The following BID variants were observed in gnomAD, a reference collection of about 807,000 sequenced individuals.
BID encodes the protein BH3 interacting domain death agonist, also known as BH3-interacting domain death agonist.
BID carries 19 observed loss-of-function variants against 17.4 expected under a neutral mutation model. The observed-to-expected ratio is 1.09, with a 90% CI of 0.76 to 1.60. BID has a LOEUF of 1.60. BID is among the 40% of genes most tolerant of loss of function. BID has a pLI of 0.00. For synonymous variants in BID, 108 were observed against 102.8 expected (o/e 1.05, Z -0.31); for missense variants, 226 against 256.0 (o/e 0.88, Z 0.80).
intron 3 of BID, among the ~76,000 whole-genome samples, chr22:17,741,595 C>A (rs1264281287): frequency 6.6e-6 from 1 of 151,992 alleles, no homozygotes; most frequent in Non-Finnish European, 1.5e-5. Context: ...ACCTCAGCCT[C>A]CCAAGTAGCT....
intron 1 of BID, among the ~76,000 whole-genome samples, chr22:17,762,310 A>G (rs919560840): frequency 1.3e-5 from 2 of 152,150 alleles, no homozygotes; most frequent in Non-Finnish European, 2.9e-5. Flanking sequence ...CAGCCTGACC[A>G]ATATGGTGAA....
chr22:17,738,491 G>A, intron 4 of BID, among the ~76,000 whole-genome samples: 1 of 152,192 alleles, frequency 6.6e-6, no homozygotes, highest in Non-Finnish European at 1.5e-5. Flanking sequence ...CAAGAAGCCT[G>A]GGTCATCCCT....
At chr22:17,752,401 T>C (rs1411642269) in intron 1 of BID, among the ~76,000 whole-genome samples, 4 of 152,320 alleles carry the variant, frequency 2.6e-5, no homozygotes, top group South Asian at 2.1e-4. Flanking sequence ...CGAAGTCCCA[T>C]ACCAGTGTGT....
chr22:17,772,101 G>A (rs1044016725), intron 1 of BID, among the ~76,000 whole-genome samples: 1 of 152,082 alleles, frequency 6.6e-6, no homozygotes, highest in African/African-American at 2.4e-5. Context: ...GGAGAATGGG[G>A]ATGCTACCCT....
At chr22:17,774,090 G>T (rs1376607869) in intron 1 of BID, 2 of 300,256 alleles carry the variant, frequency 6.7e-6, no homozygotes, top group East Asian at 2.1e-4. Flanking sequence ...AGGCCACGTG[G>T]AGAGGACACA....
At chr22:17,745,075 G>A (rs1003565649) in intron 2 of BID, among the ~76,000 whole-genome samples, 1 of 152,114 alleles carries the variant, frequency 6.6e-6, no homozygotes, top group South Asian at 2.1e-4. Flanking sequence ...TTTTGAGATG[G>A]AGTCTCGCTC....
upstream of BID, chr22:17,774,508 C>T (rs1164562536): frequency 1.4e-5 from 3 of 207,128 alleles, no homozygotes; most frequent in Admixed American, 4.9e-5. Context: ...CCCCCCACGC[C>T]CGGGCCCGCC....
At chr22:17,739,614 A>T in intron 3 of BID, 126 bp from the exon 4 acceptor site, 1 of 1,256,962 alleles carries the variant, frequency 8.0e-7, no homozygotes, top group East Asian at 2.5e-5. Flanking sequence ...CCCACTGGGC[A>T]CGTGCTCCAC....
At chr22:17,763,501 C>A (rs1253539100) in intron 1 of BID, among the ~76,000 whole-genome samples, 1 of 152,172 alleles carries the variant, frequency 6.6e-6, no homozygotes, top group Non-Finnish European at 1.5e-5. Flanking sequence ...GCCTTGGTCT[C>A]CCAAAGTGCT....
At chr22:17,736,021 T>C (rs1011634558) in intron 5 of BID, among the ~76,000 whole-genome samples, 2 of 152,242 alleles carry the variant, frequency 1.3e-5, no homozygotes, top group African/African-American at 4.8e-5. Flanking sequence ...TTAAGATTTA[T>C]ATTCATTCTC....
At chr22:17,771,466 C>T (rs564040400) in intron 1 of BID, among the ~76,000 whole-genome samples, 27 of 149,816 alleles carry the variant, frequency 1.8e-4, no homozygotes, top group Non-Finnish European at 3.7e-4. Flanking sequence ...TCAAGGAGTG[C>T]GGCGGTGCAA....
intron 3 of BID, among the ~76,000 whole-genome samples, chr22:17,743,556 TTC>T (rs2061474956): frequency 6.6e-6 from 1 of 152,238 alleles, no homozygotes; most frequent in African/African-American, 2.4e-5. Flanking sequence ...GTACATGAGA[TTC>T]TGTCTCAACA....
chr22:17,751,474 T>C (rs569809390), intron 1 of BID, among the ~76,000 whole-genome samples: 35 of 151,970 alleles, frequency 2.3e-4, no homozygotes, highest in East Asian at 5.8e-4. Flanking sequence ...TGTGTGTGTG[T>C]GCGTGTGTGT....
At chr22:17,766,282 CTT>C (rs71201884) in intron 1 of BID, among the ~76,000 whole-genome samples, 32 of 135,076 alleles carry the variant, frequency 2.4e-4, no homozygotes, top group Admixed American at 3.0e-4. Flanking sequence ...TTCTTTCTTT[CTT>C]TTTTTTTTTT....
rs780617933 is a variant in BID, at chr22:17,740,032, C to CA, written c.224-545dup. The stretch of plus-strand genomic sequence containing the variant: ...AACCAGAGCTCTCCCCCTTGCCCCT[C>CA]AGTCCTCCTCCTCTGGCGCACAGCC... On this transcript the variant is annotated intron_variant, in intron 3 of 5. Transcript: ENST00000622694. 4.3e-5 allele frequency: 67 copies of CA among 1,575,056 alleles called. No individual in the cohort carries two copies. In the South Asian group the frequency reaches 7.3e-4, roughly 17 times the overall value.
intron 1 of BID, among the ~76,000 whole-genome samples, chr22:17,768,863 A>G (rs955092304): frequency 6.3e-5 from 8 of 127,280 alleles, no homozygotes; most frequent in African/African-American, 2.2e-4. Flanking sequence ...ACAGAGCGAG[A>G]CTCCGTCTCA....
intron 3 of BID, among the ~76,000 whole-genome samples, chr22:17,742,322 C>A (rs945124670): frequency 6.6e-6 from 1 of 152,230 alleles, no homozygotes; most frequent in Non-Finnish European, 1.5e-5. Flanking sequence ...GCTACAGTCA[C>A]CCCCACAGCA....
chr22:17,753,067 C>T (rs554082751), intron 1 of BID, among the ~76,000 whole-genome samples: 8 of 143,072 alleles, frequency 5.6e-5, no homozygotes, highest in South Asian at 2.4e-4. Context: ...CCCGGGTTCA[C>T]GCCATTCTCC....
intron 1 of BID, among the ~76,000 whole-genome samples, chr22:17,768,094 A>T (rs2061691522): frequency 6.6e-6 from 1 of 152,202 alleles, no homozygotes; most frequent in Non-Finnish European, 1.5e-5. Context: ...CATAGACAGA[A>T]AGATTAGGGC....
Sources: allele counts gnomAD v4.1 joint callset (sites outside exome capture counted in the v4.1 genomes callset), GRCh38; gene constraint gnomAD v4.1.1; transcripts MANE v1.5; gene names NCBI Gene and HGNC (gene_info 2026-07-23, HGNC 2026-07-21).